The following SOX4 variants were observed in gnomAD, a reference collection of about 807,000 sequenced individuals.
The protein encoded by SOX4 is transcription factor SOX-4.
For synonymous variants in SOX4, 465 were observed against 348.4 expected, an observed-to-expected ratio of 1.33 and a Z score of -3.73; for missense variants, 662 against 694.9, an observed-to-expected ratio of 0.95 and a Z score of 0.53.
At position 21,594,583 on chromosome 6, in the gene SOX4, G is replaced by C; in HGVS notation, c.49G>C (p.Gly17Arg). Residue 17 changes from glycine to arginine, a missense_variant, in exon 1 of 1, where the codon GGC becomes CGC. Transcript: ENST00000244745. ...NAENTEALLA[G>R]ESSDSGAGLE... ...CGAGAACACGGAAGCGCTGCTGGCC[G>C]GCGAGAGCTCGGACTCGGGCGCCGG... is the stretch of plus-strand genomic sequence containing the variant. The C allele has an allele frequency of 6.2e-7, 1 of 1,608,934 alleles. No individual in the cohort carries two copies. Among genetic ancestry groups the C allele is most frequent in the African/African-American group, 1.3e-5 (1 of 74,974 alleles).
Position 21,594,530 on chromosome 6 carries a change from A to T in SOX4, c.-5A>T. 1 of 1,538,290 alleles carries T rather than the reference A, an allele frequency of 6.5e-7. No individual in the cohort carries two copies. The highest frequency in any genetic ancestry group is 8.7e-7 in the Non-Finnish European group (1 of 1,149,780). On this transcript the variant is annotated 5_prime_UTR_variant, in exon 1 of 1. Coordinates refer to ENST00000244745, the MANE Select transcript of SOX4 (RefSeq NM_003107.3). ...GCGCGCGTGGGCGCCCGCCGAGCCGAGGCCATGGTGCAGCAAACCAACAAT... is the reference window on the plus strand; with the variant it reads ...GCGCGCGTGGGCGCCCGCCGAGCCGTGGCCATGGTGCAGCAAACCAACAAT...
In SOX4 at chr6:21,596,120, C is replaced by T. The variant is rs537058170; in HGVS notation, c.*161C>T. ...TTCGCCCGCGTTCTCGTCGTCGGATCAAGGAGCGCGGCGGCGTTTTGGACC... is the reference window on the plus strand; with the variant it reads ...TTCGCCCGCGTTCTCGTCGTCGGATTAAGGAGCGCGGCGGCGTTTTGGACC... On this transcript the variant is annotated 3_prime_UTR_variant, in exon 1 of 1. Coordinates refer to ENST00000244745, the MANE Select transcript of SOX4 (RefSeq NM_003107.3). The T allele has an allele frequency of 4.1e-6, 5 of 1,207,892 alleles. No homozygotes were observed. Among genetic ancestry groups the T allele is most frequent in the Non-Finnish European group, 5.3e-6 (5 of 942,690 alleles). 74.8% of individuals were successfully genotyped at this position (1,207,892 alleles called of 1,614,324 possible). A position where few individuals can be genotyped will look rare whatever the true frequency, so the allele number is the denominator to read the frequency against.
rs779283982 is a variant in SOX4 at position 21,595,824 on chromosome 6, G to A, written c.1290G>A (p.Arg430=). ...TCAGTTCGTCGTCGGCGCTCGACCG[G>A]GACCTGGATTTTAACTTCGAGCCCG... ...GSFSSSSALD[R]DLDFNFEPGS... The change falls in exon 1 of 1, where the codon CGG becomes CGA. Residue 430 remains arginine (R), a synonymous_variant. Coordinates refer to ENST00000244745, the MANE Select transcript of SOX4 (RefSeq NM_003107.3). 2 of 1,613,410 alleles carry A rather than the reference G, an allele frequency of 1.2e-6. No homozygotes were observed. The highest frequency in any genetic ancestry group is 1.7e-6 in the Non-Finnish European group (2 of 1,179,954).
chr6:21,596,064 A>AAAAAAGAAAG lies in SOX4; in HGVS notation c.*112_*121dup. The AAAAAAGAAAG allele has an allele frequency of 1.8e-5, 24 of 1,369,624 alleles. No homozygotes were observed. Among genetic ancestry groups the AAAAAAGAAAG allele is most frequent in the Non-Finnish European group, 2.1e-5 (22 of 1,058,148 alleles). The allele number at this position is 1,369,624 out of a possible 1,614,324, so 84.8% of individuals were successfully genotyped here. ...GACGAAGAGTTTAAAGAGAAAAGGG[A>AAAAAAGAAAG]AAAAAGAAAGAAAAAGTAAGCAGGG... On this transcript the variant is annotated 3_prime_UTR_variant, in exon 1 of 1. Transcript: ENST00000244745.
In SOX4 at chr6:21,596,035, G is replaced by A. The variant is rs2113559229; in HGVS notation, c.*76G>A. 3 of 1,429,736 alleles carry A rather than the reference G, an allele frequency of 2.1e-6. No individual in the cohort carries two copies. Among genetic ancestry groups the A allele is most frequent in the Admixed American group, 3.0e-5 (1 of 32,988 alleles). The allele number at this position is 1,429,736 out of a possible 1,614,324, so 88.6% of individuals were successfully genotyped here. A position where few individuals can be genotyped will look rare whatever the true frequency, so the allele number is the denominator to read the frequency against. On this transcript the variant is annotated 3_prime_UTR_variant, in exon 1 of 1. Coordinates refer to ENST00000244745, the MANE Select transcript of SOX4 (RefSeq NM_003107.3). ...AAAAGTGAAAAAAAGAAACGAAAAG[G>A]ACAGACGAAGAGTTTAAAGAGAAAA...
Position 21,595,127 on chromosome 6 carries a change from G to C in SOX4, c.593G>C (p.Ser198Thr), listed in dbSNP as rs913248450. The change falls in exon 1 of 1, where the codon AGC (serine) becomes ACC (threonine). Residue 198 changes from serine (S) to threonine (T), a missense_variant. Physicochemically the swap from Ser to Thr is moderately conservative, Grantham distance 58. Transcript: ENST00000244745. Reference protein sequence around the residue: ...GANSKPAQKKSCGSKVAGGAG... With the variant: ...GANSKPAQKKTCGSKVAGGAG... ...AACTCCAAACCGGCGCAGAAAAAGA[G>C]CTGCGGCTCCAAAGTGGCGGGCGGC... The C allele has an allele frequency of 5.9e-6, 8 of 1,366,516 alleles. No individual in the cohort carries two copies. Among genetic ancestry groups the C allele is most frequent in the Non-Finnish European group, 7.5e-6 (8 of 1,067,720 alleles). 84.6% of individuals were successfully genotyped at this position (1,366,516 alleles called of 1,614,324 possible).
At position 21,595,299 on chromosome 6, in the gene SOX4, C is replaced by T. The variant is rs1424636940; in HGVS notation, c.765C>T (p.Asp255=). 4.2e-6 allele frequency: 6 copies of T among 1,439,152 alleles called. No homozygotes were observed. The highest frequency in any genetic ancestry group is 5.5e-6 in the Non-Finnish European group (6 of 1,097,370). The allele number at this position is 1,439,152 out of a possible 1,614,324, so 89.1% of individuals were successfully genotyped here. A position where few individuals can be genotyped will look rare whatever the true frequency, so the allele number is the denominator to read the frequency against. The change falls in exon 1 of 1, where the codon GAC becomes GAT. Residue 255 remains aspartate, a synonymous_variant. Coordinates refer to ENST00000244745, the MANE Select transcript of SOX4 (RefSeq NM_003107.3). ...TGCTGCCCCTGGGCGCCGCCGCCGACCACCACTCGCTGTACAAGGCGCGGA... is the reference window on the plus strand; with the variant it reads ...TGCTGCCCCTGGGCGCCGCCGCCGATCACCACTCGCTGTACAAGGCGCGGA... ...AALLPLGAAA[D]HHSLYKARTP...
rs1554118515 is a variant in SOX4 at position 21,597,642 on chromosome 6, T to C, written c.*1683T>C. 1 of 166,022 alleles carries C rather than the reference T, an allele frequency of 6.0e-6. No individual in the cohort carries two copies. Among genetic ancestry groups the C allele is most frequent in the Non-Finnish European group, 1.5e-5 (1 of 67,862 alleles). 10.3% of individuals were successfully genotyped at this position (166,022 alleles called of 1,614,324 possible). On this transcript the variant is annotated 3_prime_UTR_variant, in exon 1 of 1. Coordinates refer to ENST00000244745, the MANE Select transcript of SOX4 (RefSeq NM_003107.3). Reference sequence around the variant, plus strand: ...TTTAAATGTAGACTTTTGACACTTTTAAAAAACAAAAAAAGACAAGAGAGA... The same window carrying C: ...TTTAAATGTAGACTTTTGACACTTTCAAAAAACAAAAAAAGACAAGAGAGA...
rs199766530 is a variant in SOX4 at position 21,596,004 on chromosome 6, G to GA, written c.*54dup. ...AAGGGCCGGGGGGGGTAGGAGAGGA[G>GA]AAAAAAAAAGTGAAAAAAAGAAACG... On this transcript the variant is annotated 3_prime_UTR_variant, in exon 1 of 1. Transcript: ENST00000244745. 928 of 1,393,068 alleles carry GA rather than the reference G, an allele frequency of 6.7e-4. 4 individuals carry two copies. Among genetic ancestry groups the GA allele is most frequent in the African/African-American group, 6.2e-3 (411 of 66,270 alleles). 86.3% of individuals were successfully genotyped at this position (1,393,068 alleles called of 1,614,324 possible). A position where few individuals can be genotyped will look rare whatever the true frequency, so the allele number is the denominator to read the frequency against.
chr6:21,594,515 G>T lies in SOX4; in HGVS notation c.-20G>T. The T allele has an allele frequency of 6.8e-7, 1 of 1,476,506 alleles. No homozygotes were observed. 91.5% of individuals were successfully genotyped at this position (1,476,506 alleles called of 1,614,324 possible). A position where few individuals can be genotyped will look rare whatever the true frequency, so the allele number is the denominator to read the frequency against. ...GCCGCGAGGGTGTGAGCGCGCGTGGGCGCCCGCCGAGCCGAGGCCATGGTG... is the reference window on the plus strand; with the variant it reads ...GCCGCGAGGGTGTGAGCGCGCGTGGTCGCCCGCCGAGCCGAGGCCATGGTG... On this transcript the variant is annotated 5_prime_UTR_variant, in exon 1 of 1. Transcript: ENST00000244745.
chr6:21,595,993 G>C lies in SOX4; in HGVS notation c.*34G>C, dbSNP rs1247059117. The stretch of plus-strand genomic sequence containing the variant: ...CAGGCAGGGAGAAGGGCCGGGGGGG[G>C]TAGGAGAGGAGAAAAAAAAAGTGAA... On this transcript the variant is annotated 3_prime_UTR_variant, in exon 1 of 1. Transcript: ENST00000244745. 6.8e-7 allele frequency: 1 copy of C among 1,461,660 alleles called. No homozygotes were observed. The highest frequency in any genetic ancestry group is 1.4e-5 in the African/African-American group (1 of 68,986). 90.5% of individuals were successfully genotyped at this position (1,461,660 alleles called of 1,614,324 possible). A position where few individuals can be genotyped will look rare whatever the true frequency, so the allele number is the denominator to read the frequency against.
chr6:21,595,062 C>G lies in SOX4; in HGVS notation c.528C>G (p.Asn176Lys). 7.0e-7 allele frequency: 1 copy of G among 1,419,236 alleles called. No homozygotes were observed. The highest frequency in any genetic ancestry group is 9.2e-7 in the Non-Finnish European group (1 of 1,092,468). 87.9% of individuals were successfully genotyped at this position (1,419,236 alleles called of 1,614,324 possible). ...GCGGCGGCGGCGGCGGGAGCAGCAA[C>G]GCGGGGGGAGGAGGCGGCGGTGCGA... ...HGGGGGGGSS[N>K]AGGGGGGASG... Residue 176 changes from asparagine to lysine, a missense_variant, in exon 1 of 1, where the codon AAC (asparagine) becomes AAG (lysine). Physicochemically the swap from Asn to Lys is moderately conservative, Grantham distance 94. Coordinates refer to ENST00000244745, the MANE Select transcript of SOX4 (RefSeq NM_003107.3).
Position 21,596,148 on chromosome 6 carries a change from C to T in SOX4, c.*189C>T. Reference sequence around the variant, plus strand: ...GGAGCGCGGCGGCGTTTTGGACCCGCGCTCCCATCCCCCACCTTCCCGGGC... The same window carrying T: ...GGAGCGCGGCGGCGTTTTGGACCCGTGCTCCCATCCCCCACCTTCCCGGGC... On this transcript the variant is annotated 3_prime_UTR_variant, in exon 1 of 1. Transcript: ENST00000244745. 1.1e-6 allele frequency: 1 copy of T among 932,776 alleles called. No homozygotes were observed. The allele number at this position is 932,776 out of a possible 1,614,324, so 57.8% of individuals were successfully genotyped here. A position where few individuals can be genotyped will look rare whatever the true frequency, so the allele number is the denominator to read the frequency against.
rs1205308733 is a variant in SOX4 at position 21,595,623 on chromosome 6, C to T, written c.1089C>T (p.Ser363=). The change falls in exon 1 of 1, where the codon AGC becomes AGT. Residue 363 remains serine (S), a synonymous_variant. Coordinates refer to ENST00000244745, the MANE Select transcript of SOX4 (RefSeq NM_003107.3). The part of the protein sequence containing the change: ...RSPADHRGYA[S]LRAASPAPSS... Reference sequence around the variant, plus strand: ...CCGCCGACCACCGCGGCTACGCCAGCCTGCGCGCCGCCTCGCCCGCCCCGT... The same window carrying T: ...CCGCCGACCACCGCGGCTACGCCAGTCTGCGCGCCGCCTCGCCCGCCCCGT... 7.3e-7 allele frequency: 1 copy of T among 1,372,156 alleles called. No homozygotes were observed. The highest frequency in any genetic ancestry group is 2.7e-5 in the Admixed American group (1 of 37,726). 85.0% of individuals were successfully genotyped at this position (1,372,156 alleles called of 1,614,324 possible). A position where few individuals can be genotyped will look rare whatever the true frequency, so the allele number is the denominator to read the frequency against.
rs1398437677 is a variant in SOX4, at chr6:21,596,965, AAAAAAAAG to A, written c.*1022_*1029del. The A allele has an allele frequency of 1.5e-4, 25 of 166,198 alleles. No homozygotes were observed. The highest frequency in any genetic ancestry group is 2.7e-4 in the African/African-American group (11 of 41,132). 10.3% of individuals were successfully genotyped at this position (166,198 alleles called of 1,614,324 possible). On this transcript the variant is annotated 3_prime_UTR_variant, in exon 1 of 1. Coordinates refer to ENST00000244745, the MANE Select transcript of SOX4 (RefSeq NM_003107.3). Reference sequence around the variant, plus strand: ...AGTGGAGGGCGAGTGGTTTCGGAAAAAAAAAAAGAAAAAAAGAAAAAAAAAGAAAAAAA... The same window carrying A: ...AGTGGAGGGCGAGTGGTTTCGGAAAAAAAAAAAGAAAAAAAAAGAAAAAAA...
chr6:21,595,685 C>A lies in SOX4; in HGVS notation c.1151C>A (p.Ser384Tyr). ...TCGCACGCGTCCTCCTCGGCCTCGT[C>A]CCACTCCTCCTCTTCCTCCTCCTCG... ...APSHASSSASSHSSSSSSSGS... is the reference protein window; with the variant it reads ...APSHASSSASYHSSSSSSSGS... The change falls in exon 1 of 1, where the codon TCC becomes TAC. Residue 384 changes from serine to tyrosine, a missense_variant. Transcript: ENST00000244745. The A allele has an allele frequency of 6.3e-7, 1 of 1,583,166 alleles. No homozygotes were observed. Among genetic ancestry groups the A allele is most frequent in the Non-Finnish European group, 8.6e-7 (1 of 1,165,180 alleles).
chr6:21,595,847 C>T lies in SOX4; in HGVS notation c.1313C>T (p.Pro438Leu). ...CGGGACCTGGATTTTAACTTCGAGCCCGGCTCCGGCTCGCACTTCGAGTTC... is the reference window on the plus strand; with the variant it reads ...CGGGACCTGGATTTTAACTTCGAGCTCGGCTCCGGCTCGCACTTCGAGTTC... ...LDRDLDFNFE[P>L]GSGSHFEFPD... The change falls in exon 1 of 1, where the codon CCC becomes CTC. Residue 438 changes from proline (P) to leucine (L), a missense_variant. Transcript: ENST00000244745. The T allele has an allele frequency of 2.5e-6, 4 of 1,611,924 alleles. No individual in the cohort carries two copies. Among genetic ancestry groups the T allele is most frequent in the Non-Finnish European group, 3.4e-6 (4 of 1,179,398 alleles).
rs1348152912 is a variant in SOX4 at position 21,597,958 on chromosome 6, A to C, written c.*1999A>C. On this transcript the variant is annotated 3_prime_UTR_variant, in exon 1 of 1. Coordinates refer to ENST00000244745, the MANE Select transcript of SOX4 (RefSeq NM_003107.3). Reference sequence around the variant, plus strand: ...CACTGTAAGCTTTTAAGAAAAACAAAGTTTTAAACGAAATACTGCTCTGTC... The same window carrying C: ...CACTGTAAGCTTTTAAGAAAAACAACGTTTTAAACGAAATACTGCTCTGTC... 6.0e-6 allele frequency: 1 copy of C among 167,116 alleles called. No individual in the cohort carries two copies. Among genetic ancestry groups the C allele is most frequent in the African/African-American group, 2.4e-5 (1 of 41,458 alleles). The allele number at this position is 167,116 out of a possible 1,614,324, so 10.4% of individuals were successfully genotyped here. A position where few individuals can be genotyped will look rare whatever the true frequency, so the allele number is the denominator to read the frequency against.
In SOX4 at chr6:21,595,422, C is replaced by G; in HGVS notation, c.888C>G (p.Val296=). 6.6e-7 allele frequency: 1 copy of G among 1,526,464 alleles called. No homozygotes were observed. The highest frequency in any genetic ancestry group is 8.7e-7 in the Non-Finnish European group (1 of 1,144,564). The allele number at this position is 1,526,464 out of a possible 1,614,324, so 94.6% of individuals were successfully genotyped here. A position where few individuals can be genotyped will look rare whatever the true frequency, so the allele number is the denominator to read the frequency against. ...KHLAEKKVKR[V]YLFGGLGTSS... ...TGGCGGAGAAGAAGGTGAAGCGCGT[C>G]TACCTGTTCGGCGGCCTGGGCACGT... The change falls in exon 1 of 1, where the codon GTC becomes GTG. Residue 296 remains valine, a synonymous_variant. Transcript: ENST00000244745.
Sources: allele counts gnomAD v4.1 joint callset, GRCh38; gene constraint gnomAD v4.1.1; transcripts MANE v1.5; gene names NCBI Gene and HGNC (gene_info 2026-07-23, HGNC 2026-07-21).